The following TRO variants were observed in gnomAD, a reference collection of about 807,000 sequenced individuals.
The protein encoded by TRO is trophinin.
In TRO, 29 loss-of-function variants were observed where a neutral mutation model predicts 42.3. The observed-to-expected ratio is 0.68, with a 90% CI of 0.51 to 0.93. TRO has a LOEUF of 0.93. Ranked by LOEUF, TRO falls within the 40% of genes least tolerant of loss-of-function variation. The pLI is 0.00. For synonymous variants in TRO, 384 were observed against 425.2 expected (o/e 0.90, Z 1.19); for missense variants, 963 against 1,127.7 (o/e 0.85, Z 2.09).
rs754785512 is a variant in TRO, at chrX:54,930,789, G to A, written c.4065G>A (p.Thr1355=). ...TGFTGEPSTS[T]GFSSGPSSIV... is the part of the protein sequence containing the mutation. ...TTACTGGCGAACCCAGCACCAGCAC[G>A]GGCTTCAGTAGTGGACCCAGTTCTA... The change falls in exon 12 of 13, where the codon ACG becomes ACA. Residue 1355 remains threonine (T), a synonymous_variant. Coordinates refer to ENST00000173898, the MANE Select transcript of TRO (RefSeq NM_001039705.3). The A allele has an allele frequency of 3.3e-6, 4 of 1,212,100 alleles. No homozygotes were observed. The highest frequency in any genetic ancestry group is 1.7e-5 in the African/African-American group (1 of 57,918).
In TRO at chrX:54,924,994, C is replaced by T; in HGVS notation, c.1411C>T (p.Leu471=). 1 of 1,210,351 alleles carries T rather than the reference C, an allele frequency of 8.3e-7. No individual in the cohort carries two copies. The change falls in exon 6 of 13, where the codon CTG becomes TTG. Residue 471 remains leucine (L), a synonymous_variant. Transcript: ENST00000173898. ...TCACCTCTCCTTTTCTACAGACATGCTGAGGGATGTCATCCAAGAATATGA... is the reference window on the plus strand; with the variant it reads ...TCACCTCTCCTTTTCTACAGACATGTTGAGGGATGTCATCCAAGAATATGA... ...TKIPIKRSDM[L]RDVIQEYDEY...
In TRO at chrX:54,927,675, A is replaced by C. The variant is rs1212640899; in HGVS notation, c.1772A>C (p.Glu591Ala). 8 of 1,205,546 alleles carry C rather than the reference A, an allele frequency of 6.6e-6. No individual in the cohort carries two copies. Among genetic ancestry groups the C allele is most frequent in the Non-Finnish European group, 6.7e-6 (6 of 891,878 alleles). ...CATTTCCTTTTTCCAAGGTACCTGG[A>C]GTACAAGAGGGTCCCTAACAGCAGA... ...TDEFVKQKYLEYKRVPNSRPP... is the reference protein window; with the variant it reads ...TDEFVKQKYLAYKRVPNSRPP... The change falls in exon 11 of 13, where the codon GAG becomes GCG. Residue 591 changes from glutamate to alanine, a missense_variant. By Grantham distance (107) the Glu-to-Ala change is moderately radical. Around this residue, in one of 2 missense-constraint regions of TRO, gnomAD observed 641 missense variants for 811.3 expected, o/e 0.79. Coordinates refer to ENST00000173898, the MANE Select transcript of TRO (RefSeq NM_001039705.3).
chrX:54,924,884 C>A, intron 5 of TRO, 105 bp from the exon 6 acceptor site: 1 of 988,420 alleles, frequency 1.0e-6, no homozygotes. Context: ...CTCCCATTAA[C>A]TCACTTCAGG....
chrX:54,928,478 C>T, intron 11 of TRO, 125 bp from the exon 12 acceptor site: 1 of 858,723 alleles, frequency 1.2e-6, no homozygotes, highest in Admixed American at 4.1e-5. Flanking sequence ...CAGAACTGAC[C>T]CATGATAGAG....
At chrX:54,923,806 T>G in intron 3 of TRO, 38 bp downstream of exon 3, 1 of 1,128,067 alleles carries the variant, frequency 8.9e-7, no homozygotes, top group Non-Finnish European at 1.2e-6. Flanking sequence ...ACTTTGTGCT[T>G]CTTTTCCATT....
rs1932572910 is a variant in TRO at position 54,924,985 on chromosome X, A to G, written c.1406-4A>G. On this transcript the variant is annotated splice_polypyrimidine_tract_variant and splice_region_variant and intron_variant, in intron 5 of 12. Transcript: ENST00000173898. ...CAGCTACTCTCACCTCTCCTTTTCT[A>G]CAGACATGCTGAGGGATGTCATCCA... 1 of 1,209,087 alleles carries G rather than the reference A, an allele frequency of 8.3e-7. No homozygotes were observed. Among genetic ancestry groups the G allele is most frequent in the Non-Finnish European group, 1.1e-6 (1 of 893,604 alleles).
chrX:54,930,291 T>G lies in TRO; in HGVS notation c.3567T>G (p.Asp1189Glu). ...FSGATSPSFC[D>E]GPSTSTGFSF... The stretch of plus-strand genomic sequence containing the variant: ...GTGCTACCAGCCCTAGTTTTTGTGA[T>G]GGACCCAGCACCAGTACCGGTTTCA... Residue 1189 changes from aspartate to glutamate, a missense_variant, in exon 12 of 13, where the codon GAT becomes GAG. By Grantham distance (45) the Asp-to-Glu change is conservative. This residue lies in a region of TRO where 641 missense variants were observed against 811.3 expected (regional missense o/e 0.79). Transcript: ENST00000173898. 3 of 1,212,154 alleles carry G rather than the reference T, an allele frequency of 2.5e-6. No homozygotes were observed. The highest frequency in any genetic ancestry group is 3.3e-6 in the Non-Finnish European group (3 of 895,536).
In TRO at chrX:54,931,327, G is replaced by A. The variant is rs1401198163; in HGVS notation, c.*135G>A. ...AGGCAGTTATGGCCAATCAGCTGAG[G>A]GTGTCATGTGATGGAAAAATCTGTT... On this transcript the variant is annotated 3_prime_UTR_variant, in exon 13 of 13. Transcript: ENST00000173898. The A allele has an allele frequency of 8.3e-7, 1 of 1,208,672 alleles. No homozygotes were observed. Among genetic ancestry groups the A allele is most frequent in the Non-Finnish European group, 1.1e-6 (1 of 894,085 alleles).
chrX:54,926,038 T>G (rs928929532), intron 7 of TRO, among the ~76,000 whole-genome samples: 2 of 112,007 alleles, frequency 1.8e-5, no homozygotes, highest in African/African-American at 6.5e-5. Flanking sequence ...GCTGGATCAG[T>G]ATGCATGAAG....
intron 8 of TRO, 36 bp from the exon 9 acceptor site, chrX:54,926,547 A>G (rs1175737641): frequency 1.7e-6 from 2 of 1,202,893 alleles, no homozygotes; most frequent in African/African-American, 1.8e-5. Context: ...CATGTGTTCA[A>G]TTTCTGTCCC....
chrX:54,921,894 C>T, intron 1 of TRO: 1 of 183,069 alleles, frequency 5.5e-6, no homozygotes, highest in Non-Finnish European at 9.8e-6. Flanking sequence ...GGCGCATGCG[C>T]GCGGAGGGCA....
Position 54,927,061 on chromosome X carries a change from T to C in TRO, c.1719T>C (p.Phe573=). Residue 573 remains phenylalanine (F), a synonymous_variant, in exon 10 of 13, where the codon TTT becomes TTC. Coordinates refer to ENST00000173898, the MANE Select transcript of TRO (RefSeq NM_001039705.3). ...TTGTCAGGGTGAGGCATTCACTCTT[T>C]GGGGAAGTGAGGAAGCTCATCACAG... is the stretch of plus-strand genomic sequence containing the variant. The part of the protein sequence containing the change: ...GLRPGVRHSL[F]GEVRKLITDE... 8.3e-7 allele frequency: 1 copy of C among 1,211,681 alleles called. No homozygotes were observed. Among genetic ancestry groups the C allele is most frequent in the Non-Finnish European group, 1.1e-6 (1 of 895,494 alleles).
intron 11 of TRO, among the ~76,000 whole-genome samples, 169 bp from the exon 12 acceptor site, chrX:54,928,434 T>C (rs1395760158): frequency 2.7e-5 from 3 of 112,392 alleles, no homozygotes; most frequent in African/African-American, 6.5e-5. Flanking sequence ...CAAGGTCATA[T>C]AGCACGTAAG....
chrX:54,929,304 T>C lies in TRO; in HGVS notation c.2580T>C (p.Ser860=). 2.5e-6 allele frequency: 3 copies of C among 1,212,056 alleles called. No individual in the cohort carries two copies. The highest frequency in any genetic ancestry group is 3.3e-6 in the Non-Finnish European group (3 of 895,524). The part of the protein sequence containing the change: ...GGTLSTTAGF[S]GVLSTSTSFG... ...CACTCAGCACCACGGCTGGCTTTAG[T>C]GGTGTACTCAGCACTAGCACCAGCT... The change falls in exon 12 of 13, where the codon AGT becomes AGC. Residue 860 remains serine, a synonymous_variant. Coordinates refer to ENST00000173898, the MANE Select transcript of TRO (RefSeq NM_001039705.3).
At position 54,923,789 on chromosome X, in the gene TRO, A is replaced by G. The variant is rs1028282652; in HGVS notation, c.1236+21A>G. The G allele has an allele frequency of 3.4e-6, 4 of 1,160,990 alleles. No homozygotes were observed. The African/African-American group carries it at 7.1e-5, about 21-fold the overall frequency. On this transcript the variant is annotated intron_variant, in intron 3 of 12. Coordinates refer to ENST00000173898, the MANE Select transcript of TRO (RefSeq NM_001039705.3). ...GAAAGGTGAGATCTCTGACATTGCC[A>G]TCCTTAACTTTGTGCTTCTTTTCCA...
rs1046445390 is a variant in TRO, at chrX:54,927,696, G to C, written c.1793G>C (p.Ser598Thr). ...KYLEYKRVPN[S>T]RPPEYEFFWG... ...CTGGAGTACAAGAGGGTCCCTAACAGCAGACCACCTGAATATGAGTTCTTC... is the reference window on the plus strand; with the variant it reads ...CTGGAGTACAAGAGGGTCCCTAACACCAGACCACCTGAATATGAGTTCTTC... Residue 598 changes from serine (S) to threonine (T), a missense_variant, in exon 11 of 13, where the codon AGC (serine) becomes ACC (threonine). Transcript: ENST00000173898. 43 of 1,209,249 alleles carry C rather than the reference G, an allele frequency of 3.6e-5. No homozygotes were observed. Among genetic ancestry groups the C allele is most frequent in the Non-Finnish European group, 4.2e-5 (38 of 894,670 alleles).
At chrX:54,925,296 C>G (rs1308936996) in intron 6 of TRO, among the ~76,000 whole-genome samples, 1 of 111,725 alleles carries the variant, frequency 9.0e-6, no homozygotes, top group Non-Finnish European at 1.9e-5. Flanking sequence ...GTCTCAGCTT[C>G]TATTCATAGT....
chrX:54,927,776 TGCA>T lies in TRO; in HGVS notation c.1875_1877del (p.Cys625_Arg626delinsTrp), dbSNP rs776326454. 2 of 1,206,993 alleles carry T rather than the reference TGCA, an allele frequency of 1.7e-6. No individual in the cohort carries two copies. The highest frequency in any genetic ancestry group is 3.5e-5 in the African/African-American group (2 of 57,058). On this transcript the variant is annotated inframe_deletion and splice_region_variant, in exon 11 of 13. Transcript: ENST00000173898. ...CAAGATGAAAGTCCTCAAGTTTGCA[TGCA>T]GGGTAAGAGGAGAGCTGCCCGAGCT...
At position 54,923,820 on chromosome X, in the gene TRO, AC is replaced by A. The variant is rs778683290; in HGVS notation, c.1236+55del. On this transcript the variant is annotated intron_variant, in intron 3 of 12. Transcript: ENST00000173898. ...AACTTTGTGCTTCTTTTCCATTTCT[AC>A]CCTTCTAGTTTGTTCATTTCTTCTA... 35 of 1,091,828 alleles carry A rather than the reference AC, an allele frequency of 3.2e-5. No individual in the cohort carries two copies. The African/African-American group carries it at 6.1e-4, about 19-fold the overall frequency. 90.0% of individuals were successfully genotyped at this position (1,091,828 alleles called of 1,213,427 possible).
Sources: gnomAD v4.1 joint callset for allele counts (sites outside exome capture counted in the v4.1 genomes callset) on GRCh38, gnomAD v4.1.1 for gene constraint, gnomAD v4.1.1 regional missense constraint, MANE v1.5 for transcripts, NCBI Gene and HGNC (gene_info 2026-07-23, HGNC 2026-07-21) for gene names.